MMS22L: variants seen among roughly 807,000 people sequenced by gnomAD.
The protein encoded by MMS22L is protein MMS22-like.
Under a neutral mutation model 159.1 loss-of-function variants are expected in MMS22L, and 74 were observed. The observed-to-expected ratio is 0.47, with a 90% CI of 0.39 to 0.56. MMS22L has a LOEUF of 0.56. MMS22L is among the 20% of genes least tolerant of loss of function. The pLI is 0.00. For missense variants in MMS22L, 1,351 were observed against 1,422.1 expected, an observed-to-expected ratio of 0.95 and a Z score of 0.80; for synonymous variants, 517 against 506.9, an observed-to-expected ratio of 1.02 and a Z score of -0.27.
intron 24 of MMS22L, 130 bp from the exon 25 acceptor site, chr6:97,147,017 CACA>C (rs1285706844): frequency 8.9e-6 from 5 of 564,890 alleles, no homozygotes; most frequent in Non-Finnish European, 1.2e-5. Flanking sequence ...GCAGGCTTAG[CACA>C]ACACTTCTTA....
chr6:97,265,911 C>T (rs9400713), intron 8 of MMS22L: 54,030 of 151,754 alleles, frequency 0.36, 10,926 homozygotes, highest in East Asian at 0.79. Flanking sequence ...TTAGTAGAGA[C>T]GGGTTTCACC....
intron 18 of MMS22L, among the ~76,000 whole-genome samples, chr6:97,177,577 C>G (rs1804252702): frequency 6.6e-6 from 1 of 152,114 alleles, no homozygotes; most frequent in African/African-American, 2.4e-5. Flanking sequence ...TAGCTCCTAG[C>G]ACACCACAGG....
intron 14 of MMS22L, among the ~76,000 whole-genome samples, chr6:97,214,676 A>G (rs1582645213): frequency 9.4e-6 from 1 of 106,138 alleles, no homozygotes; most frequent in African/African-American, 3.4e-5. Context: ...AGATTTTACT[A>G]TTTTTTTTGT....
At chr6:97,280,775 C>A (rs1215660720) in intron 3 of MMS22L, among the ~76,000 whole-genome samples, 1 of 152,000 alleles carries the variant, frequency 6.6e-6, no homozygotes, top group African/African-American at 2.4e-5. Flanking sequence ...TTGTTTACTG[C>A]AACTGAAGGA....
Position 97,267,889 on chromosome 6 carries a change from G to T in MMS22L, c.811C>A (p.Leu271Ile), listed in dbSNP as rs1815305895. The T allele has an allele frequency of 4.4e-6, 7 of 1,606,394 alleles. No homozygotes were observed. Among genetic ancestry groups the T allele is most frequent in the African/African-American group, 1.3e-5 (1 of 74,566 alleles). ...AGCATTACCTTGTCGTACCTGTTGAGTGACAGGCTTATTAAATCACAAAGG... is the reference window on the plus strand; with the variant it reads ...AGCATTACCTTGTCGTACCTGTTGATTGACAGGCTTATTAAATCACAAAGG... ...TLLCDLISLS[L>I]NRYDKVRSSE... is the part of the protein sequence containing the mutation. The change falls in exon 8 of 25, where the codon CTC (leucine) becomes ATC (isoleucine). Residue 271 changes from leucine (L) to isoleucine (I), a missense_variant. By Grantham distance (5) the Leu-to-Ile change is conservative. Coordinates refer to ENST00000683635, the MANE Select transcript of MMS22L (RefSeq NM_001350599.2).
intron 18 of MMS22L, among the ~76,000 whole-genome samples, chr6:97,176,313 C>T (rs1473068411): frequency 6.6e-6 from 1 of 151,978 alleles, no homozygotes; most frequent in African/African-American, 2.4e-5. Context: ...ACACCAGTGC[C>T]TTAGACTTCT....
chr6:97,198,796 G>C (rs1806820342), intron 14 of MMS22L, among the ~76,000 whole-genome samples: 1 of 151,908 alleles, frequency 6.6e-6, no homozygotes, highest in Non-Finnish European at 1.5e-5. Flanking sequence ...CAGAGATAAG[G>C]GTAATTTTAA....
chr6:97,259,223 G>GT (rs1379393410), intron 9 of MMS22L: 3 of 152,022 alleles, frequency 2.0e-5, no homozygotes, highest in African/African-American at 7.3e-5. Context: ...AACTCACTCC[G>GT]TATCAGTTCA....
In MMS22L at chr6:97,165,242, G is replaced by A. The variant is rs774452754; in HGVS notation, c.3221+4C>T. The A allele has an allele frequency of 1.9e-6, 3 of 1,608,314 alleles. No homozygotes were observed. Among genetic ancestry groups the A allele is most frequent in the Non-Finnish European group, 1.7e-6 (2 of 1,175,438 alleles). ...TACCACCTATATTTAATATTTAGATGTACCTTATGACTTGCACAATGCATT... is the reference window on the plus strand; with the variant it reads ...TACCACCTATATTTAATATTTAGATATACCTTATGACTTGCACAATGCATT... On this transcript the variant is annotated splice_donor_region_variant and intron_variant, in intron 21 of 24. Coordinates refer to ENST00000683635, the MANE Select transcript of MMS22L (RefSeq NM_001350599.2).
intron 11 of MMS22L, among the ~76,000 whole-genome samples, chr6:97,244,039 T>C (rs897122219): frequency 6.6e-5 from 10 of 152,226 alleles, no homozygotes; most frequent in Non-Finnish European, 1.2e-4. Flanking sequence ...TTTTCTTGAA[T>C]GCTGGTTATG....
At chr6:97,167,406 C>G (rs1415139968) in intron 20 of MMS22L, among the ~76,000 whole-genome samples, 1 of 152,048 alleles carries the variant, frequency 6.6e-6, no homozygotes, top group Non-Finnish European at 1.5e-5. Context: ...AGGTCAAAAC[C>G]TTCTGACAAT....
intron 14 of MMS22L, among the ~76,000 whole-genome samples, chr6:97,192,663 T>C (rs1806015503): frequency 6.6e-6 from 1 of 152,206 alleles, no homozygotes; most frequent in Non-Finnish European, 1.5e-5. Context: ...GTATACATCC[T>C]ATTTTGCCAA....
intron 14 of MMS22L, among the ~76,000 whole-genome samples, chr6:97,214,987 C>A (rs1375558405): frequency 6.6e-6 from 1 of 150,630 alleles, no homozygotes; most frequent in Non-Finnish European, 1.5e-5. Context: ...GTTTCTTGCC[C>A]TGGGAGTTTC....
chr6:97,207,323 T>C (rs572011383), intron 14 of MMS22L, among the ~76,000 whole-genome samples: 1 of 152,180 alleles, frequency 6.6e-6, no homozygotes, highest in Admixed American at 6.5e-5. Context: ...CTCTGGTCAA[T>C]TGTGTTTGTA....
At chr6:97,266,112 G>C (rs1312403570) in intron 8 of MMS22L, 2 of 152,042 alleles carry the variant, frequency 1.3e-5, no homozygotes, top group Non-Finnish European at 2.9e-5. Context: ...ATTAAAACTT[G>C]ATAAGATATC....
At chr6:97,261,269 T>C (rs1312404534) in intron 9 of MMS22L, 2 of 152,174 alleles carry the variant, frequency 1.3e-5, no homozygotes, top group Non-Finnish European at 2.9e-5. Context: ...ACGTATGTTT[T>C]TGTATACAGC....
At chr6:97,220,869 A>G (rs1809555607) in intron 14 of MMS22L, among the ~76,000 whole-genome samples, 1 of 151,940 alleles carries the variant, frequency 6.6e-6, no homozygotes, top group Non-Finnish European at 1.5e-5. Context: ...TAAAACAACA[A>G]CAACAACAAC....
chr6:97,283,362 T>C (rs1582895858), upstream of MMS22L: 1 of 148,010 alleles, frequency 6.8e-6, no homozygotes, highest in Admixed American at 6.7e-5. Flanking sequence ...CTTTAATTGG[T>C]GCGTTCGGCT....
At chr6:97,165,815 T>C (rs1305370294) in intron 20 of MMS22L, among the ~76,000 whole-genome samples, 1 of 152,150 alleles carries the variant, frequency 6.6e-6, no homozygotes, top group Admixed American at 6.6e-5. Context: ...CACCTTTAGG[T>C]CATTTTTTTC....
Sources: gnomAD v4.1 joint callset for allele counts (sites outside exome capture counted in the v4.1 genomes callset) on GRCh38, gnomAD v4.1.1 for gene constraint, MANE v1.5 for transcripts, NCBI Gene and HGNC (gene_info 2026-07-23, HGNC 2026-07-21) for gene names.